USP7: variants seen among roughly 807,000 people sequenced by gnomAD.
USP7 encodes ubiquitin C-terminal hydrolase 7.
Under a neutral mutation model 162.9 loss-of-function variants are expected in USP7, and 9 were observed. The observed-to-expected ratio is 0.06, with a 90% CI of 0.03 to 0.10. The LOEUF (loss-of-function observed/expected upper bound fraction) is 0.10. Ranked by LOEUF, USP7 falls within the 10% of genes least tolerant of loss-of-function variation. The probability of loss-of-function intolerance (pLI) is 1.00; values close to 1 mark genes in which losing one functional copy is unlikely to be tolerated. For missense variants in USP7, 715 were observed against 1,373.7 expected (o/e 0.52, Z 7.58); for synonymous variants, 562 against 475.9 (o/e 1.18, Z -2.35).
chr16:8,935,490 C>G (rs1596398881), intron 1 of USP7, among the ~76,000 whole-genome samples: 1 of 152,200 alleles, frequency 6.6e-6, no homozygotes, highest in South Asian at 2.1e-4. Context: ...GGATTACAGG[C>G]GTGGGCCACC....
intron 1 of USP7, among the ~76,000 whole-genome samples, chr16:8,938,707 T>C (rs563936429): frequency 1.1e-3 from 101 of 89,932 alleles, no homozygotes; most frequent in African/African-American, 7.3e-3. Context: ...CAAGACTCCG[T>C]CTCAAAAAAA....
At chr16:8,934,157 T>C (rs1898544807) in intron 1 of USP7, among the ~76,000 whole-genome samples, 1 of 152,252 alleles carries the variant, frequency 6.6e-6, no homozygotes, top group Non-Finnish European at 1.5e-5. Context: ...ATGGTTTTAA[T>C]GCATGGATGC....
At chr16:8,902,869 T>C (rs2061798121) in intron 16 of USP7, among the ~76,000 whole-genome samples, 1 of 151,810 alleles carries the variant, frequency 6.6e-6, no homozygotes, top group Non-Finnish European at 1.5e-5. Context: ...AGAGTGAAAC[T>C]CTGTCTCAAA....
chr16:8,933,074 G>A (rs1394435237), intron 1 of USP7, among the ~76,000 whole-genome samples: 2 of 152,048 alleles, frequency 1.3e-5, no homozygotes, highest in African/African-American at 4.8e-5. Context: ...CCAAATGGCT[G>A]GGATTACAGG....
intron 1 of USP7, among the ~76,000 whole-genome samples, chr16:8,945,101 C>A (rs567422159): frequency 2.6e-5 from 4 of 152,290 alleles, no homozygotes; most frequent in Admixed American, 6.5e-5. Context: ...AATAAAAATA[C>A]AGAAATTAGC....
intron 1 of USP7, among the ~76,000 whole-genome samples, chr16:8,932,817 C>T (rs935410805): frequency 2.0e-5 from 3 of 151,272 alleles, no homozygotes; most frequent in Non-Finnish European, 2.9e-5. Context: ...GCCTTATCTG[C>T]GACATTTAAA....
chr16:8,908,977 A>G (rs2061901725), intron 11 of USP7, among the ~76,000 whole-genome samples: 1 of 152,238 alleles, frequency 6.6e-6, no homozygotes, highest in Non-Finnish European at 1.5e-5. Context: ...GAACCCATAT[A>G]TCACAGGGCA....
At chr16:8,917,266 T>C (rs1897422277) in intron 6 of USP7, 110 bp from the exon 7 acceptor site, 2 of 1,309,142 alleles carry the variant, frequency 1.5e-6, no homozygotes, top group Admixed American at 2.8e-5. Context: ...AATAACACAA[T>C]GGCTAAGGTT....
chr16:8,916,279 G>C (rs902415827), intron 8 of USP7, among the ~76,000 whole-genome samples: 3 of 152,188 alleles, frequency 2.0e-5, no homozygotes, highest in Non-Finnish European at 4.4e-5. Flanking sequence ...CTGCCTGCTA[G>C]TATTAAAATT....
intron 27 of USP7, 149 bp from the exon 28 acceptor site, chr16:8,895,299 G>A (rs2061664433): frequency 7.9e-7 from 1 of 1,259,472 alleles, no homozygotes; most frequent in South Asian, 1.4e-5. Flanking sequence ...AGAGTGATGG[G>A]CACTCATGGG....
chr16:8,933,696 C>A (rs1044459484), intron 1 of USP7, among the ~76,000 whole-genome samples: 3 of 152,034 alleles, frequency 2.0e-5, no homozygotes, highest in African/African-American at 4.8e-5. Flanking sequence ...GCAATCCACC[C>A]CTCTCAGTCT....
chr16:8,928,248 T>G (rs575628420), intron 2 of USP7, among the ~76,000 whole-genome samples: 70 of 152,336 alleles, frequency 4.6e-4, no homozygotes, highest in African/African-American at 1.6e-3. Flanking sequence ...GCTGATAGTT[T>G]GGCTACAGAC....
chr16:8,930,363 C>G lies in USP7; in HGVS notation c.114G>C (p.Gln38His), dbSNP rs769574241. Reference sequence around the variant, plus strand: ...CCACATTCCCATTGATCACAGGGTTCTGAGTAATTCTTGGTGGGTCATCTG... The same window carrying G: ...CCACATTCCCATTGATCACAGGGTTGTGAGTAATTCTTGGTGGGTCATCTG... ...GDTDDPPRIT[Q>H]NPVINGNVAL... The change falls in exon 2 of 31, where the codon CAG becomes CAC. Residue 38 changes from glutamine to histidine, a missense_variant. By Grantham distance (24) the Gln-to-His change is conservative. Coordinates refer to ENST00000344836, the MANE Select transcript of USP7 (RefSeq NM_003470.3). The G allele has an allele frequency of 2.5e-6, 4 of 1,612,810 alleles. No individual in the cohort carries two copies. In the African/African-American group the frequency reaches 5.3e-5, roughly 22 times the overall value.
intron 10 of USP7, among the ~76,000 whole-genome samples, chr16:8,912,380 A>T (rs1775792271): frequency 6.6e-6 from 1 of 151,752 alleles, no homozygotes; most frequent in African/African-American, 2.4e-5. Flanking sequence ...AACCCAGGAG[A>T]CAAAGGTTGT....
Position 8,904,473 on chromosome 16 carries a change from T to G in USP7, c.1666A>C (p.Lys556Gln), listed in dbSNP as rs1314790441. ...EEKRIEAQKR[K>Q]ERQEAHLYMQ... Reference sequence around the variant, plus strand: ...TAGAGATGGGCTTCCTGCCGCTCCTTCCGCTTCTGAGCCTCGATCCTTTTC... The same window carrying G: ...TAGAGATGGGCTTCCTGCCGCTCCTGCCGCTTCTGAGCCTCGATCCTTTTC... The change falls in exon 15 of 31, where the codon AAG (lysine) becomes CAG (glutamine). Residue 556 changes from lysine to glutamine, a missense_variant. Physicochemically the swap from Lys to Gln is moderately conservative, Grantham distance 53. Coordinates refer to ENST00000344836, the MANE Select transcript of USP7 (RefSeq NM_003470.3). 2 of 1,614,134 alleles carry G rather than the reference T, an allele frequency of 1.2e-6. No individual in the cohort carries two copies. Among genetic ancestry groups the G allele is most frequent in the Non-Finnish European group, 1.7e-6 (2 of 1,180,038 alleles).
At chr16:8,952,231 G>A (rs527304738) in intron 1 of USP7, among the ~76,000 whole-genome samples, 3 of 152,216 alleles carry the variant, frequency 2.0e-5, no homozygotes, top group East Asian at 1.9e-4. Flanking sequence ...GCCTGGGCAC[G>A]AGGGAGAGCC....
intron 1 of USP7, among the ~76,000 whole-genome samples, chr16:8,938,382 T>C (rs1596402364): frequency 6.7e-6 from 1 of 149,748 alleles, no homozygotes; most frequent in Non-Finnish European, 1.5e-5. Context: ...TACAGTCAAG[T>C]CTTCCACATC....
At chr16:8,960,256 G>A (rs910844788) in intron 1 of USP7, among the ~76,000 whole-genome samples, 4 of 152,176 alleles carry the variant, frequency 2.6e-5, no homozygotes, top group Admixed American at 6.6e-5. Context: ...GGCCTTACAG[G>A]GAGTGTGTGG....
chr16:8,926,249 G>A (rs542484443), intron 2 of USP7, among the ~76,000 whole-genome samples: 9 of 152,208 alleles, frequency 5.9e-5, no homozygotes, highest in South Asian at 2.1e-4. Context: ...AGGCAGAGGC[G>A]GGCGGATAAC....
Sources: allele counts gnomAD v4.1 joint callset (sites outside exome capture counted in the v4.1 genomes callset), GRCh38; gene constraint gnomAD v4.1.1; transcripts MANE v1.5; gene names NCBI Gene and HGNC (gene_info 2026-07-23, HGNC 2026-07-21).